TGM4: variants seen among roughly 807,000 people sequenced by gnomAD.
The protein encoded by TGM4 is transglutaminase 4.
TGM4 carries 61 observed loss-of-function variants against 76.3 expected under a neutral mutation model. That is an observed-to-expected ratio of 0.80 (90% confidence interval 0.65 to 0.99). TGM4 has a LOEUF of 0.99. Among genes scored for constraint, TGM4 ranks in the 50% least tolerant of loss-of-function variants. TGM4 has a pLI of 0.00. For missense variants in TGM4, 794 were observed against 843.2 expected (o/e 0.94, Z 0.72); for synonymous variants, 337 against 329.8 (o/e 1.02, Z -0.24).
chr3:44,898,684 G>T (rs1699813475), intron 6 of TGM4, among the ~76,000 whole-genome samples: 1 of 152,176 alleles, frequency 6.6e-6, no homozygotes, highest in Non-Finnish European at 1.5e-5. Context: ...AGGGGCTCTT[G>T]AAATGCCCTC....
chr3:44,912,490 T>A (rs1227429116), intron 13 of TGM4, among the ~76,000 whole-genome samples: 1 of 152,204 alleles, frequency 6.6e-6, no homozygotes, highest in Non-Finnish European at 1.5e-5. Context: ...TCATACCACT[T>A]AAATTATTGT....
chr3:44,878,197 G>T (rs1699474725), intron 1 of TGM4, among the ~76,000 whole-genome samples: 1 of 151,612 alleles, frequency 6.6e-6, no homozygotes, highest in Non-Finnish European at 1.5e-5. Context: ...AGATCTACTT[G>T]GGTGGTTAGG....
At chr3:44,879,761 A>T (rs1020700461) in intron 1 of TGM4, among the ~76,000 whole-genome samples, 2 of 151,992 alleles carry the variant, frequency 1.3e-5, no homozygotes, top group African/African-American at 4.8e-5. Context: ...TACAGGCATG[A>T]GCCACTGTGC....
chr3:44,912,519 T>A (rs1325882335), intron 13 of TGM4, among the ~76,000 whole-genome samples: 1 of 152,216 alleles, frequency 6.6e-6, no homozygotes, highest in Non-Finnish European at 1.5e-5. Flanking sequence ...AATAATTTTA[T>A]ATGATTATCA....
chr3:44,910,316 G>A lies in TGM4; in HGVS notation c.1554G>A (p.Lys518=), dbSNP rs1575728445. The change falls in exon 11 of 14, where the codon AAG becomes AAA. Residue 518 remains lysine, a synonymous_variant. Coordinates refer to ENST00000296125, the MANE Select transcript of TGM4 (RefSeq NM_003241.4). ...GSFELQLYTG[K]KMAKLCDLNK... is the part of the protein sequence containing the mutation. Reference sequence around the variant, plus strand: ...TTGAACTACAGTTGTACACTGGCAAGAAGATGGCAAAACTGTGTGACCTCA... The same window carrying A: ...TTGAACTACAGTTGTACACTGGCAAAAAGATGGCAAAACTGTGTGACCTCA... 2 of 1,614,204 alleles carry A rather than the reference G, an allele frequency of 1.2e-6. No individual in the cohort carries two copies. Among genetic ancestry groups the A allele is most frequent in the South Asian group, 2.2e-5 (2 of 91,088 alleles).
At chr3:44,885,304 C>T (rs1241130779) in intron 1 of TGM4, 21 bp from the exon 2 acceptor site, 2 of 1,590,040 alleles carry the variant, frequency 1.3e-6, no homozygotes, top group Non-Finnish European at 1.7e-6. Context: ...TCTCTTTCCA[C>T]ATGTGCTGCG....
chr3:44,899,485 C>A (rs1259897701), intron 6 of TGM4: 1 of 152,222 alleles, frequency 6.6e-6, no homozygotes, highest in Non-Finnish European at 1.5e-5. Context: ...ACTTCAGAGG[C>A]CCTCCCCTTT....
At chr3:44,911,987 C>A (rs900565576) in intron 13 of TGM4, among the ~76,000 whole-genome samples, 1 of 152,048 alleles carries the variant, frequency 6.6e-6, no homozygotes, top group Non-Finnish European at 1.5e-5. Context: ...TATGCCACCA[C>A]ACCCGGCTAA....
At chr3:44,907,643 A>C (rs1447791918) in intron 10 of TGM4, among the ~76,000 whole-genome samples, 1 of 151,992 alleles carries the variant, frequency 6.6e-6, no homozygotes, top group East Asian at 1.9e-4. Context: ...TCCCTTCCTG[A>C]GCTTAAGTTC....
chr3:44,913,438 C>T (rs1700033984), intron 13 of TGM4, 146 bp from the exon 14 acceptor site: 2 of 965,416 alleles, frequency 2.1e-6, no homozygotes, highest in Non-Finnish European at 1.5e-6. Context: ...GGTGCAGGTA[C>T]ACTGTGCCAT....
intron 1 of TGM4, among the ~76,000 whole-genome samples, chr3:44,878,578 G>T (rs1264461678): frequency 6.6e-6 from 1 of 151,562 alleles, no homozygotes; most frequent in Non-Finnish European, 1.5e-5. Context: ...CAGTTCCCAG[G>T]TTCAAGCGAT....
chr3:44,888,310 G>A (rs1244922122), intron 3 of TGM4: 1 of 158,374 alleles, frequency 6.3e-6, no homozygotes, highest in East Asian at 1.9e-4. Flanking sequence ...TTCCAGTGTT[G>A]TAAAGAACCA....
At chr3:44,887,141 C>T (rs2125749889) in intron 2 of TGM4, among the ~76,000 whole-genome samples, 1 of 152,320 alleles carries the variant, frequency 6.6e-6, no homozygotes, top group South Asian at 2.1e-4. Flanking sequence ...AAGTGGGGAG[C>T]TGGGGAGAAG....
Position 44,896,787 on chromosome 3 carries a change from G to C in TGM4, c.628G>C (p.Val210Leu), listed in dbSNP as rs777419548. ...CAAGCCCACAGATAGGAGGGACCCC[G>C]TGCTGGTGTGCAGGGCCATGTGTGC... Reference protein sequence around the residue: ...SLKPTDRRDPVLVCRAMCAMM... With the variant: ...SLKPTDRRDPLLVCRAMCAMM... The change falls in exon 6 of 14, where the codon GTG becomes CTG. Residue 210 changes from valine (V) to leucine (L), a missense_variant. Coordinates refer to ENST00000296125, the MANE Select transcript of TGM4 (RefSeq NM_003241.4). 1 of 1,614,134 alleles carries C rather than the reference G, an allele frequency of 6.2e-7. No individual in the cohort carries two copies. The highest frequency in any genetic ancestry group is 8.5e-7 in the Non-Finnish European group (1 of 1,180,012).
chr3:44,901,713 C>T lies in TGM4; in HGVS notation c.832+15C>T, dbSNP rs749148149. The T allele has an allele frequency of 6.2e-7, 1 of 1,612,892 alleles. No individual in the cohort carries two copies. The highest frequency in any genetic ancestry group is 8.5e-7 in the Non-Finnish European group (1 of 1,179,058). On this transcript the variant is annotated intron_variant, in intron 7 of 13. Coordinates refer to ENST00000296125, the MANE Select transcript of TGM4 (RefSeq NM_003241.4). ...CCTGACTACAGGTAAGTGGCAGATC[C>T]AGGGGCTGAGGGGAGAGGTCCCAAG...
In TGM4 at chr3:44,900,090, G is replaced by A. The variant is rs115395234; in HGVS notation, c.658-1434G>A. 9.4e-3 allele frequency among the ~76,000 whole-genome samples: 1,425 copies of A among 152,256 alleles called. 22 individuals carry two copies. Among genetic ancestry groups the A allele is most frequent in the African/African-American group, 0.03 (1,234 of 41,536 alleles). ...TTGTTCCGCAGGGGGATAGAGCCTC[G>A]TGCATCAGGAGTTTTGAAAGTCCTG... On this transcript the variant is annotated intron_variant, in intron 6 of 13. Coordinates refer to ENST00000296125, the MANE Select transcript of TGM4 (RefSeq NM_003241.4).
intron 4 of TGM4, 23 bp from the exon 5 acceptor site, chr3:44,893,554 G>C (rs377557344): frequency 6.2e-7 from 1 of 1,600,862 alleles, no homozygotes; most frequent in African/African-American, 1.3e-5. Context: ...TATAACCTCT[G>C]TGGATGTGTG....
chr3:44,879,259 C>CTATA (rs1365143873), intron 1 of TGM4, among the ~76,000 whole-genome samples: 1,302 of 101,376 alleles, frequency 0.013, 10 homozygotes, highest in Non-Finnish European at 0.021. Context: ...CTCTCTCTCT[C>CTATA]TCTCTCTATA....
intron 1 of TGM4, 108 bp from the exon 2 acceptor site, chr3:44,885,203 GATGCCCGACTCTAA>G: frequency 4.0e-6 from 4 of 995,882 alleles, no homozygotes; most frequent in Middle Eastern, 3.2e-4. Flanking sequence ...GTGGAGCAGG[GATGCCCGACTCTAA>G]AGCCCAGCTC....
Sources: gnomAD v4.1 joint callset for allele counts (sites outside exome capture counted in the v4.1 genomes callset) on GRCh38, gnomAD v4.1.1 for gene constraint, MANE v1.5 for transcripts, NCBI Gene and HGNC (gene_info 2026-07-23, HGNC 2026-07-21) for gene names.